Variants in CTNND2 observed in about 807,000 individuals in gnomAD.
CTNND2 encodes catenin delta 2.
Under a neutral mutation model 144.4 loss-of-function variants are expected in CTNND2, and 22 were observed. The observed-to-expected ratio is 0.15, with a 90% CI of 0.11 to 0.22. The LOEUF is 0.22. CTNND2 is among the 10% of genes least tolerant of loss of function. The pLI is 1.00. For synonymous variants in CTNND2, 751 were observed against 695.6 expected (o/e 1.08, Z -1.25); for missense variants, 1,353 against 1,618.8 (o/e 0.84, Z 2.82).
chr5:11,656,941 A>G lies in CTNND2; in HGVS notation c.174+75195T>C, dbSNP rs79887918. ...AACTTGGCCCTCTGCGTATCATTCAACAAACGCTCTAAGGGCTTTGAGTTA... is the reference window on the plus strand; with the variant it reads ...AACTTGGCCCTCTGCGTATCATTCAGCAAACGCTCTAAGGGCTTTGAGTTA... On this transcript the variant is annotated intron_variant, in intron 2 of 21. Coordinates refer to ENST00000304623, the MANE Select transcript of CTNND2 (RefSeq NM_001332.4). Among the ~76,000 whole-genome samples, 263 of 152,256 alleles carry G rather than the reference A, an allele frequency of 1.7e-3. 4 individuals carry two copies. The East Asian group carries it at 0.046, about 27-fold the overall frequency.
chr5:11,036,340 A>G (rs1251189582), intron 16 of CTNND2, among the ~76,000 whole-genome samples: 2 of 152,194 alleles, frequency 1.3e-5, no homozygotes, highest in African/African-American at 4.8e-5. Flanking sequence ...CAGCCACTCC[A>G]GATTTACACT....
chr5:11,724,200 C>G (rs2126724629), intron 2 of CTNND2, among the ~76,000 whole-genome samples: 1 of 152,080 alleles, frequency 6.6e-6, no homozygotes, highest in East Asian at 1.9e-4. Flanking sequence ...GTAAACAAAC[C>G]AGTAAAGCTC....
At chr5:11,727,118 A>G (rs1787066547) in intron 2 of CTNND2, among the ~76,000 whole-genome samples, 1 of 152,156 alleles carries the variant, frequency 6.6e-6, no homozygotes, top group African/African-American at 2.4e-5. Flanking sequence ...CTTGATTTAT[A>G]GTTTTATTTA....
At chr5:11,372,811 C>G (rs373083273) in intron 7 of CTNND2, among the ~76,000 whole-genome samples, 4 of 152,164 alleles carry the variant, frequency 2.6e-5, no homozygotes, top group Non-Finnish European at 5.9e-5. Context: ...GCAATGCTGG[C>G]GCTGCTGGTC....
chr5:11,428,718 C>T (rs1763010307), intron 3 of CTNND2, among the ~76,000 whole-genome samples: 1 of 152,154 alleles, frequency 6.6e-6, no homozygotes, highest in Non-Finnish European at 1.5e-5. Context: ...ATTTATTTCG[C>T]TGAATCTTGT....
intron 16 of CTNND2, among the ~76,000 whole-genome samples, chr5:11,045,358 A>T (rs887069384): frequency 1.3e-5 from 2 of 152,122 alleles, no homozygotes; most frequent in African/African-American, 2.4e-5. Flanking sequence ...CGGGGAGAGA[A>T]GGATGCAAGA....
chr5:11,743,663 G>A (rs991018879), intron 1 of CTNND2, among the ~76,000 whole-genome samples: 1 of 152,194 alleles, frequency 6.6e-6, no homozygotes, highest in African/African-American at 2.4e-5. Flanking sequence ...GAAGTTGGGG[G>A]TGTGGCATTA....
intron 1 of CTNND2, among the ~76,000 whole-genome samples, chr5:11,871,424 G>A (rs1735113517): frequency 6.6e-6 from 1 of 152,110 alleles, no homozygotes; most frequent in South Asian, 2.1e-4. Flanking sequence ...GATTCAGGGA[G>A]TTAATATTCG....
chr5:11,751,028 A>G (rs1458727922), intron 1 of CTNND2, among the ~76,000 whole-genome samples: 1 of 151,874 alleles, frequency 6.6e-6, no homozygotes, highest in African/African-American at 2.4e-5. Flanking sequence ...GGTAAAATTT[A>G]GTAGACTTTT....
chr5:11,413,495 T>C lies in CTNND2; in HGVS notation c.288-1426A>G, dbSNP rs375118444. On this transcript the variant is annotated intron_variant, in intron 3 of 21. Transcript: ENST00000304623. ...ATGTGAATATCAAAATACTACTGTT[T>C]AAAGATCAATCCCATTGGTCATTTG... Among the ~76,000 whole-genome samples the C allele has an allele frequency of 5.9e-5, 9 of 152,306 alleles. No homozygotes were observed. The East Asian group carries it at 1.7e-3, about 29-fold the overall frequency.
At chr5:11,328,553 C>G (rs923402686) in intron 9 of CTNND2, among the ~76,000 whole-genome samples, 1 of 152,146 alleles carries the variant, frequency 6.6e-6, no homozygotes, top group Non-Finnish European at 1.5e-5. Context: ...ATCTGCCCTT[C>G]TTGGCCTACC....
chr5:11,428,110 C>A lies in CTNND2; in HGVS notation c.288-16041G>T, dbSNP rs1218237295. Among the ~76,000 whole-genome samples the A allele has an allele frequency of 2.0e-5, 3 of 152,122 alleles. No homozygotes were observed. In the East Asian group the frequency reaches 5.8e-4, roughly 29 times the overall value. On this transcript the variant is annotated intron_variant, in intron 3 of 21. Transcript: ENST00000304623. ...ACCGCCCCCATGATTCAATTACCTT[C>A]CCCTGGGTCCCTCCTATAACACGTG...
intron 1 of CTNND2, among the ~76,000 whole-genome samples, chr5:11,805,094 T>C (rs1390911569): frequency 2.6e-5 from 4 of 152,170 alleles, no homozygotes; most frequent in Admixed American, 6.6e-5. Context: ...CTACTGTCAC[T>C]GAACAATTAA....
intron 11 of CTNND2, among the ~76,000 whole-genome samples, chr5:11,194,501 G>C (rs1736657171): frequency 6.6e-6 from 1 of 152,122 alleles, no homozygotes; most frequent in Non-Finnish European, 1.5e-5. Flanking sequence ...TCCTGATTAA[G>C]ACACTTAAAA....
chr5:11,013,679 C>G (rs1741318816), intron 18 of CTNND2, among the ~76,000 whole-genome samples: 5 of 152,146 alleles, frequency 3.3e-5, no homozygotes, highest in Admixed American at 3.3e-4. Context: ...GATAACATGC[C>G]TCATTAGGTT....
At chr5:11,393,456 T>G (rs555668230) in intron 6 of CTNND2, among the ~76,000 whole-genome samples, 1 of 152,362 alleles carries the variant, frequency 6.6e-6, no homozygotes, top group Non-Finnish European at 1.5e-5. Context: ...GACAAAATGC[T>G]TGGTGAAACT....
intron 8 of CTNND2, among the ~76,000 whole-genome samples, chr5:11,348,078 CTTTATAAACAA>C (rs1754973550): frequency 6.6e-6 from 1 of 152,076 alleles, no homozygotes; most frequent in Non-Finnish European, 1.5e-5. Context: ...TTAAGAGAAA[CTTTATAAACAA>C]AAAGTGCATA....
chr5:11,123,573 G>T (rs1303496798), intron 12 of CTNND2, among the ~76,000 whole-genome samples: 2 of 152,220 alleles, frequency 1.3e-5, no homozygotes, highest in Non-Finnish European at 1.5e-5. Context: ...TAATCTACAT[G>T]TGTGCTTCCC....
At chr5:11,266,930 G>A (rs577034699) in intron 9 of CTNND2, among the ~76,000 whole-genome samples, 1 of 152,310 alleles carries the variant, frequency 6.6e-6, no homozygotes, top group South Asian at 2.1e-4. Context: ...CCAGGCTGGA[G>A]TGCAATGGCG....
Sources: allele counts gnomAD v4.1 joint callset (sites outside exome capture counted in the v4.1 genomes callset), GRCh38; gene constraint gnomAD v4.1.1; transcripts MANE v1.5; gene names NCBI Gene and HGNC (gene_info 2026-07-23, HGNC 2026-07-21).